Variants in TAOK3 observed in about 807,000 individuals in gnomAD.
TAOK3 encodes the protein TAO kinase 3.
In TAOK3, 40 loss-of-function variants were observed where a neutral mutation model predicts 120.4. The ratio of observed to expected loss-of-function variants is 0.33; its 90% CI spans 0.26 to 0.43. The LOEUF (loss-of-function observed/expected upper bound fraction) is 0.43. Ranked by LOEUF, TAOK3 falls within the 20% of genes least tolerant of loss-of-function variation. The pLI is 1.00. For synonymous variants in TAOK3, 355 were observed against 387.5 expected (o/e 0.92, Z 0.99); for missense variants, 821 against 1,112.1 (o/e 0.74, Z 3.72).
chr12:118,367,421 T>A (rs1362598157), intron 1 of TAOK3, among the ~76,000 whole-genome samples: 1 of 152,036 alleles, frequency 6.6e-6, no homozygotes, highest in Admixed American at 6.6e-5. Context: ...AGTTTTTTTT[T>A]TTTTTTAATT....
chr12:118,307,612 A>T (rs2043099049), intron 1 of TAOK3, among the ~76,000 whole-genome samples: 1 of 152,188 alleles, frequency 6.6e-6, no homozygotes, highest in South Asian at 2.1e-4. Flanking sequence ...TAGCAGCTGC[A>T]GCTACCCCTT....
intron 1 of TAOK3, among the ~76,000 whole-genome samples, chr12:118,362,295 A>T (rs1000172911): frequency 2.0e-5 from 3 of 148,760 alleles, no homozygotes; most frequent in Non-Finnish European, 4.4e-5. Flanking sequence ...AAATACACCA[A>T]CACTAACAAT....
At chr12:118,348,600 G>A (rs1018460377) in intron 1 of TAOK3, among the ~76,000 whole-genome samples, 3 of 151,282 alleles carry the variant, frequency 2.0e-5, no homozygotes, top group Non-Finnish European at 2.9e-5. Context: ...ACAGGTGCCC[G>A]CCACCACGCC....
At chr12:118,239,294 T>G (rs1024054339) in intron 5 of TAOK3, 22 bp from the exon 6 acceptor site, 8 of 1,401,152 alleles carry the variant, frequency 5.7e-6, no homozygotes, top group Non-Finnish European at 8.0e-6. Context: ...TAAAATAATA[T>G]TCAGAATAAT....
intron 9 of TAOK3, among the ~76,000 whole-genome samples, chr12:118,215,443 C>G (rs1173590238): frequency 6.6e-6 from 1 of 151,486 alleles, no homozygotes; most frequent in East Asian, 2.0e-4. Flanking sequence ...ACCCGAGAGG[C>G]AGAGCTTGCA....
intron 1 of TAOK3, among the ~76,000 whole-genome samples, chr12:118,296,575 T>C (rs1593449848): frequency 6.6e-6 from 1 of 152,320 alleles, no homozygotes; most frequent in Middle Eastern, 3.4e-3. Context: ...ACTGACAATG[T>C]AACACCTAGG....
At chr12:118,272,664 C>T (rs1213275509) in intron 1 of TAOK3, among the ~76,000 whole-genome samples, 2 of 152,092 alleles carry the variant, frequency 1.3e-5, no homozygotes, top group Non-Finnish European at 2.9e-5. Flanking sequence ...GCAGCATTAT[C>T]CCCAAATTAA....
At chr12:118,236,365 G>A (rs1220533023) in intron 7 of TAOK3, 6 of 152,154 alleles carry the variant, frequency 3.9e-5, no homozygotes, top group South Asian at 2.1e-4. Flanking sequence ...AGAATTGCAC[G>A]TGGTTACTAC....
intron 1 of TAOK3, among the ~76,000 whole-genome samples, chr12:118,294,783 T>C (rs1446278663): frequency 1.3e-5 from 2 of 152,180 alleles, no homozygotes; most frequent in Non-Finnish European, 2.9e-5. Flanking sequence ...TGTTGTACCA[T>C]AGATACTGGA....
intron 9 of TAOK3, among the ~76,000 whole-genome samples, chr12:118,218,006 C>T (rs1372966388): frequency 6.7e-6 from 1 of 150,174 alleles, no homozygotes; most frequent in Non-Finnish European, 1.5e-5. Context: ...ACTACAGGCG[C>T]ATGCCACCAC....
At chr12:118,167,888 T>C (rs1377546613) in intron 17 of TAOK3, among the ~76,000 whole-genome samples, 1 of 152,190 alleles carries the variant, frequency 6.6e-6, no homozygotes, top group Non-Finnish European at 1.5e-5. Flanking sequence ...CTCTGTGTCA[T>C]GGAAGTTGCT....
chr12:118,324,503 A>T lies in TAOK3; in HGVS notation c.-194+48145T>A, dbSNP rs1472273137. ...TCATTCCATGTAACTATACTTTTGT[A>T]CCTATTAACCAACCATGCCTTCTTC... On this transcript the variant is annotated intron_variant, in intron 1 of 20. Transcript: ENST00000392533. Among the ~76,000 whole-genome samples, 3 of 151,784 alleles carry T rather than the reference A, an allele frequency of 2.0e-5. 1 individual carries two copies. Among genetic ancestry groups the T allele is most frequent in the Admixed American group, 2.0e-4 (3 of 15,204 alleles).
chr12:118,168,375 A>G (rs1330529168), intron 17 of TAOK3, among the ~76,000 whole-genome samples: 1 of 152,224 alleles, frequency 6.6e-6, no homozygotes, highest in Non-Finnish European at 1.5e-5. Flanking sequence ...CACAAATGTA[A>G]CTATGCGGAG....
chr12:118,311,413 G>A (rs969452444), intron 1 of TAOK3, among the ~76,000 whole-genome samples: 2 of 151,990 alleles, frequency 1.3e-5, no homozygotes, highest in African/African-American at 2.4e-5. Context: ...GTAAGCCAAG[G>A]TTGTGCCATT....
Position 118,354,666 on chromosome 12 carries a change from C to T in TAOK3, c.-194+17982G>A, listed in dbSNP as rs534549960. 9.2e-5 allele frequency among the ~76,000 whole-genome samples: 14 copies of T among 152,202 alleles called. No individual in the cohort carries two copies. In the South Asian group the frequency reaches 2.9e-3, roughly 32 times the overall value. On this transcript the variant is annotated intron_variant, in intron 1 of 20. Coordinates refer to ENST00000392533, the MANE Select transcript of TAOK3 (RefSeq NM_016281.4). ...GAGGTGAGTGAATCATGGGGTGGGT[C>T]TTTCCCGTGCTGTTCTTGTGATACA...
chr12:118,355,655 T>A (rs1418541276), intron 1 of TAOK3, among the ~76,000 whole-genome samples: 1 of 152,244 alleles, frequency 6.6e-6, no homozygotes, highest in Non-Finnish European at 1.5e-5. Flanking sequence ...TATCTATACA[T>A]AATGCCATGT....
intron 9 of TAOK3, among the ~76,000 whole-genome samples, chr12:118,223,073 T>C (rs2039320140): frequency 9.1e-6 from 1 of 110,000 alleles, no homozygotes; most frequent in Non-Finnish European, 2.1e-5. Context: ...TTTTTTTTTT[T>C]TTTTTTTTTT....
At chr12:118,233,436 CATAA>C (rs1053269019) in intron 9 of TAOK3, among the ~76,000 whole-genome samples, 22 of 150,024 alleles carry the variant, frequency 1.5e-4, no homozygotes, top group Middle Eastern at 3.2e-3. Flanking sequence ...TAAATAAATA[CATAA>C]ATAAATAAAT....
chr12:118,260,437 T>A (rs953885851), intron 2 of TAOK3, among the ~76,000 whole-genome samples: 1 of 151,920 alleles, frequency 6.6e-6, no homozygotes, highest in Non-Finnish European at 1.5e-5. Context: ...TATCTAACAC[T>A]CCATAAAAAA....
Sources: gnomAD v4.1 joint callset for allele counts (sites outside exome capture counted in the v4.1 genomes callset) on GRCh38, gnomAD v4.1.1 for gene constraint, MANE v1.5 for transcripts, NCBI Gene and HGNC (gene_info 2026-07-23, HGNC 2026-07-21) for gene names.